CSMD1: variants seen among roughly 807,000 people sequenced by gnomAD.
The protein encoded by CSMD1 is CUB and sushi domain-containing protein 1.
A neutral mutation model predicts 417.5 loss-of-function variants in CSMD1; 213 were observed. The ratio of observed to expected loss-of-function variants is 0.51; its 90% CI spans 0.46 to 0.57. CSMD1 has a LOEUF of 0.57. CSMD1 is among the 20% of genes least tolerant of loss of function. The pLI, the probability that CSMD1 is intolerant of heterozygous loss-of-function variation, is 0.00. For synonymous variants in CSMD1, 2,862 were observed against 1,736.8 expected, an observed-to-expected ratio of 1.65 and a Z score of -16.11; for missense variants, 6,923 against 4,529.7, an observed-to-expected ratio of 1.53 and a Z score of -15.17.
chr8:3,231,384 T>G (rs1798828231), intron 26 of CSMD1, among the ~76,000 whole-genome samples: 1 of 152,182 alleles, frequency 6.6e-6, no homozygotes, highest in Non-Finnish European at 1.5e-5. Flanking sequence ...AAAAAAGAGA[T>G]TAGTGTATTG....
chr8:3,297,633 A>G (rs746484045), intron 25 of CSMD1, among the ~76,000 whole-genome samples: 1 of 152,218 alleles, frequency 6.6e-6, no homozygotes, highest in Non-Finnish European at 1.5e-5. Context: ...TTCAGTCTCC[A>G]TACTGTACAC....
At chr8:4,417,385 T>G (rs906770738) in intron 3 of CSMD1, among the ~76,000 whole-genome samples, 1 of 152,026 alleles carries the variant, frequency 6.6e-6, no homozygotes, top group Admixed American at 6.6e-5. Flanking sequence ...CGGATTATGT[T>G]TATTCCCAAG....
intron 3 of CSMD1, among the ~76,000 whole-genome samples, chr8:4,066,612 T>A (rs1359189858): frequency 6.6e-6 from 1 of 152,232 alleles, no homozygotes; most frequent in African/African-American, 2.4e-5. Context: ...AAGGGAAATG[T>A]ACCACATTAC....
intron 1 of CSMD1, among the ~76,000 whole-genome samples, chr8:4,734,942 C>A (rs897040866): frequency 1.3e-5 from 2 of 152,082 alleles, no homozygotes; most frequent in South Asian, 4.1e-4. Context: ...GCAAACTACT[C>A]GTTATGGCCT....
rs188808187 is a variant in CSMD1 at position 3,267,652 on chromosome 8, A to C, written c.4153+16492T>G. On this transcript the variant is annotated intron_variant, in intron 26 of 69. Transcript: ENST00000635120. ...GTCCCGGCAAAAGCAAAGAGCCAAC[A>C]TACAGTGAGGAAGCAGGGATGGAAA... Among the ~76,000 whole-genome samples the C allele has an allele frequency of 6.8e-4, 103 of 152,362 alleles. 1 individual carries two copies. Among genetic ancestry groups the C allele is most frequent in the South Asian group, 5.4e-3 (26 of 4,828 alleles).
At chr8:4,480,527 G>A (rs187847364) in intron 2 of CSMD1, among the ~76,000 whole-genome samples, 3 of 152,282 alleles carry the variant, frequency 2.0e-5, no homozygotes, top group East Asian at 3.9e-4. Flanking sequence ...AAATTTCTCC[G>A]CCTTTTTGCA....
chr8:3,408,632 A>C (rs114478249), intron 13 of CSMD1, among the ~76,000 whole-genome samples: 13 of 152,230 alleles, frequency 8.5e-5, no homozygotes, highest in African/African-American at 3.1e-4. Flanking sequence ...TTTATATTTT[A>C]TACTTTCCTG....
At chr8:4,159,836 G>A (rs1160765837) in intron 3 of CSMD1, among the ~76,000 whole-genome samples, 5 of 152,116 alleles carry the variant, frequency 3.3e-5, no homozygotes, top group East Asian at 1.9e-4. Context: ...AAGTAACTCT[G>A]GAATGGAAAA....
chr8:2,989,210 G>C (rs553812786), intron 54 of CSMD1, among the ~76,000 whole-genome samples: 144 of 152,160 alleles, frequency 9.5e-4, no homozygotes, highest in African/African-American at 3.2e-3. Context: ...TTTAACTTGA[G>C]GTTTTTGAGT....
At chr8:4,388,585 C>T (rs1480276411) in intron 3 of CSMD1, among the ~76,000 whole-genome samples, 1 of 151,876 alleles carries the variant, frequency 6.6e-6, no homozygotes, top group African/African-American at 2.4e-5. Context: ...TAAAAGACTG[C>T]AAATAGGGTA....
At chr8:4,560,079 G>A (rs1029069112) in intron 2 of CSMD1, among the ~76,000 whole-genome samples, 2 of 152,214 alleles carry the variant, frequency 1.3e-5, no homozygotes, top group Admixed American at 6.5e-5. Context: ...TATCCACAGA[G>A]GCCTCGTGCT....
At position 3,284,406 on chromosome 8, in the gene CSMD1, G is replaced by C. The variant is rs1175625636; in HGVS notation, c.3951-60C>G. The C allele has an allele frequency of 4.6e-6, 6 of 1,308,010 alleles. No individual in the cohort carries two copies. In the East Asian group the frequency reaches 1.2e-4, roughly 26 times the overall value. 81.0% of individuals were successfully genotyped at this position (1,308,010 alleles called of 1,614,324 possible). Reference sequence around the variant, plus strand: ...GCATCGAGCATGTCCTGACCCCATAGCTGTAAAGTAAGCAAGCTCATTTCG... The same window carrying C: ...GCATCGAGCATGTCCTGACCCCATACCTGTAAAGTAAGCAAGCTCATTTCG... On this transcript the variant is annotated intron_variant, in intron 25 of 69. Coordinates refer to ENST00000635120, the MANE Select transcript of CSMD1 (RefSeq NM_033225.6).
chr8:4,974,753 G>T (rs1251320572), intron 1 of CSMD1, among the ~76,000 whole-genome samples: 1 of 152,162 alleles, frequency 6.6e-6, no homozygotes, highest in African/African-American at 2.4e-5. Context: ...TATCTGACTA[G>T]AAGGTGATTT....
intron 3 of CSMD1, among the ~76,000 whole-genome samples, chr8:4,166,937 G>C (rs1240187222): frequency 6.6e-6 from 1 of 152,184 alleles, no homozygotes; most frequent in Non-Finnish European, 1.5e-5. Flanking sequence ...GGTGGGGTCA[G>C]TGGCCACCAT....
chr8:3,198,253 C>T (rs988207726), intron 33 of CSMD1, among the ~76,000 whole-genome samples: 1 of 152,104 alleles, frequency 6.6e-6, no homozygotes, highest in Non-Finnish European at 1.5e-5. Context: ...CCAAGGAAAG[C>T]CCCTTATAAA....
chr8:3,634,930 C>T (rs570285022), intron 7 of CSMD1, among the ~76,000 whole-genome samples: 11 of 152,234 alleles, frequency 7.2e-5, no homozygotes, highest in Non-Finnish European at 1.6e-4. Flanking sequence ...AGGCTACAAA[C>T]TCACACCACA....
At chr8:3,940,533 G>GTGTGTGTGTA (rs1468450498) in intron 5 of CSMD1, among the ~76,000 whole-genome samples, 3 of 140,194 alleles carry the variant, frequency 2.1e-5, no homozygotes, top group African/African-American at 8.3e-5. Context: ...GTGTGTGTGT[G>GTGTGTGTGTA]TGTATGTATG....
chr8:2,947,124 C>G (rs758672008), intron 68 of CSMD1, among the ~76,000 whole-genome samples: 1 of 152,150 alleles, frequency 6.6e-6, no homozygotes, highest in African/African-American at 2.4e-5. Flanking sequence ...ATACAAGTCA[C>G]TTATCAGGTA....
At chr8:3,520,830 T>G (rs979947420) in intron 10 of CSMD1, among the ~76,000 whole-genome samples, 1 of 152,058 alleles carries the variant, frequency 6.6e-6, no homozygotes, top group Non-Finnish European at 1.5e-5. Context: ...CATCAACACC[T>G]CAAATACAAC....
Sources: gnomAD v4.1 joint callset for allele counts (sites outside exome capture counted in the v4.1 genomes callset) on GRCh38, gnomAD v4.1.1 for gene constraint, MANE v1.5 for transcripts, NCBI Gene and HGNC (gene_info 2026-07-23, HGNC 2026-07-21) for gene names.